The following CCNDBP1 variants were observed in gnomAD, a reference collection of about 807,000 sequenced individuals.
CCNDBP1 encodes the protein cyclin D1 binding protein 1.
CCNDBP1 carries 45 observed loss-of-function variants against 46.2 expected under a neutral mutation model. That is an observed-to-expected ratio of 0.97 (90% CI 0.77 to 1.25). The LOEUF (loss-of-function observed/expected upper bound fraction) is 1.25, where lower values mean the gene tolerates loss of function less well. CCNDBP1 is among the 50% of genes most tolerant of loss of function. The probability of loss-of-function intolerance (pLI) is 0.00; values close to 1 mark genes in which losing one functional copy is unlikely to be tolerated. For synonymous variants in CCNDBP1, 154 were observed against 163.6 expected, an observed-to-expected ratio of 0.94 and a Z score of 0.45; for missense variants, 436 against 442.1, an observed-to-expected ratio of 0.99 and a Z score of 0.12.
intron 9 of CCNDBP1, among the ~76,000 whole-genome samples, chr15:43,193,627 T>C (rs1036353333): frequency 4.6e-5 from 7 of 152,212 alleles, no homozygotes; most frequent in African/African-American, 1.7e-4. Context: ...TTTTATTGTA[T>C]TCTTTGAGGT....
intron 3 of CCNDBP1, chr15:43,188,791 C>T (rs1176496563): frequency 6.2e-6 from 1 of 162,306 alleles, no homozygotes; most frequent in Non-Finnish European, 1.4e-5. Context: ...AAATATCTGC[C>T]CTAGGCCGGG....
At position 43,193,085 on chromosome 15, in the gene CCNDBP1, G is replaced by A. The variant is rs1330205464; in HGVS notation, c.921+282G>A. 10 of 403,692 alleles carry A rather than the reference G, an allele frequency of 2.5e-5. No individual in the cohort carries two copies. The East Asian group carries it at 2.6e-4, about 10-fold the overall frequency. 25.0% of individuals were successfully genotyped at this position (403,692 alleles called of 1,614,324 possible). ...AAAATGATGCTTTAAGGCTGGGCGCGGTAGCTCACACCTGTAATCCCAGCA... is the reference window on the plus strand; with the variant it reads ...AAAATGATGCTTTAAGGCTGGGCGCAGTAGCTCACACCTGTAATCCCAGCA... On this transcript the variant is annotated intron_variant, in intron 9 of 10. Transcript: ENST00000300213.
rs774251321 is a variant in CCNDBP1, at chr15:43,189,234, C to T, written c.285C>T (p.Ala95=). ...AGTTCTGTGAACAAGTCCATGCTGC[C>T]ATCAAGGCATTTATTGCAGTGTACT... is the stretch of plus-strand genomic sequence containing the variant. ...TQKFCEQVHA[A]IKAFIAVYYL... is the part of the protein sequence containing the mutation. Residue 95 remains alanine (A), a synonymous_variant, in exon 4 of 11, where the codon GCC becomes GCT. Coordinates refer to ENST00000300213, the MANE Select transcript of CCNDBP1 (RefSeq NM_012142.5). 3.7e-6 allele frequency: 6 copies of T among 1,612,328 alleles called. No individual in the cohort carries two copies. The highest frequency in any genetic ancestry group is 1.7e-5 in the Admixed American group (1 of 59,716).
intron 7 of CCNDBP1, 41 bp from the exon 8 acceptor site, chr15:43,191,354 T>A (rs2041948954): frequency 7.7e-7 from 1 of 1,303,238 alleles, no homozygotes; most frequent in East Asian, 2.6e-5. Context: ...TTTTTTTTTT[T>A]TTTTTTTTTT....
intron 7 of CCNDBP1, 115 bp downstream of exon 7, chr15:43,191,157 T>C (rs2041943522): frequency 2.2e-6 from 2 of 891,202 alleles, no homozygotes; most frequent in South Asian, 2.9e-5. Flanking sequence ...TACTGTCCTC[T>C]GTCTTCCATC....
chr15:43,190,883 A>T, intron 6 of CCNDBP1, 83 bp from the exon 7 acceptor site: 1 of 1,144,140 alleles, frequency 8.7e-7, no homozygotes, highest in South Asian at 1.2e-5. Flanking sequence ...CATCAATAGG[A>T]ACAATGTGAT....
At position 43,196,969 on chromosome 15, in the gene CCNDBP1, A is replaced by G. The variant is rs1250064232; in HGVS notation, c.*2128A>G. 2 of 373,938 alleles carry G rather than the reference A, an allele frequency of 5.3e-6. No individual in the cohort carries two copies. Among genetic ancestry groups the G allele is most frequent in the Non-Finnish European group, 1.0e-5 (2 of 194,502 alleles). 23.2% of individuals were successfully genotyped at this position (373,938 alleles called of 1,614,324 possible). A position where few individuals can be genotyped will look rare whatever the true frequency, so the allele number is the denominator to read the frequency against. On this transcript the variant is annotated 3_prime_UTR_variant, in exon 11 of 11. Transcript: ENST00000300213. Reference sequence around the variant, plus strand: ...GGTAATGAGTAAGTTCTCGCTCTATATGTCCCTCCCCCACCCCAGAGCTGG... The same window carrying G: ...GGTAATGAGTAAGTTCTCGCTCTATGTGTCCCTCCCCCACCCCAGAGCTGG...
chr15:43,192,488 C>T (rs761574111), intron 8 of CCNDBP1, among the ~76,000 whole-genome samples: 9 of 152,196 alleles, frequency 5.9e-5, no homozygotes, highest in Non-Finnish European at 1.3e-4. Flanking sequence ...CACATCCTCA[C>T]ATTTTTGACT....
At chr15:43,189,618 A>G (rs767180022) in intron 4 of CCNDBP1, 7 of 319,772 alleles carry the variant, frequency 2.2e-5, no homozygotes, top group Non-Finnish European at 4.0e-5. Context: ...TCCTCCACCC[A>G]TGTTATATCT....
rs756151109 is a variant in CCNDBP1 at position 43,189,101 on chromosome 15, A to AAAAAAAAAAAG, written c.250-95_250-94insAAAAAAAGAAA. The AAAAAAAAAAAG allele has an allele frequency of 2.6e-4, 43 of 165,878 alleles. 3 individuals carry two copies. Among genetic ancestry groups the AAAAAAAAAAAG allele is most frequent in the Admixed American group, 3.9e-4 (4 of 10,190 alleles). The allele number at this position is 165,878 out of a possible 1,614,324, so 10.3% of individuals were successfully genotyped here. Reference sequence around the variant, plus strand: ...TCAAAAAAAAAAAAAAAAAAAAAAAAAAAGAAAAAGAAAGAAAAGAAAAAG... The same window carrying AAAAAAAAAAAG: ...TCAAAAAAAAAAAAAAAAAAAAAAAAAAAAAAAAAAGAAAGAAAAAGAAAGAAAAGAAAAAG... On this transcript the variant is annotated intron_variant, in intron 3 of 10. Transcript: ENST00000300213.
At position 43,185,498 on chromosome 15, in the gene CCNDBP1, G is replaced by A. The variant is rs758485687; in HGVS notation, c.-1G>A. 6 of 1,587,196 alleles carry A rather than the reference G, an allele frequency of 3.8e-6. No individual in the cohort carries two copies. The highest frequency in any genetic ancestry group is 3.4e-6 in the Non-Finnish European group (4 of 1,170,424). On this transcript the variant is annotated 5_prime_UTR_variant, in exon 1 of 11. Transcript: ENST00000300213. ...TTTGCGGCCTTCGGCAAGCGACTGA[G>A]ATGGCGAGCGCAACTGCACCTGCAG...
chr15:43,191,343 C>CCTTT, intron 7 of CCNDBP1, 52 bp from the exon 8 acceptor site: 1 of 682,310 alleles, frequency 1.5e-6, no homozygotes, highest in Non-Finnish European at 2.1e-6. Flanking sequence ...TAGGCCTCGC[C>CCTTT]TTTTTTTTTT....
intron 2 of CCNDBP1, 72 bp downstream of exon 2, chr15:43,185,951 T>A: frequency 6.8e-7 from 1 of 1,466,450 alleles, no homozygotes; most frequent in Non-Finnish European, 9.4e-7. Flanking sequence ...CCTCCCGCTG[T>A]CCCCCACGGA....
chr15:43,192,642 A>G (rs2041972203), intron 8 of CCNDBP1, 101 bp from the exon 9 acceptor site: 1 of 1,082,296 alleles, frequency 9.2e-7, no homozygotes, highest in Non-Finnish European at 1.4e-6. Flanking sequence ...ACTGACAGGC[A>G]TTTCTGGGAC....
chr15:43,187,741 A>G (rs2142228101), intron 3 of CCNDBP1, among the ~76,000 whole-genome samples: 1 of 152,330 alleles, frequency 6.6e-6, no homozygotes, highest in South Asian at 2.1e-4. Flanking sequence ...ACTCACTGCA[A>G]GTAAGATACC....
At chr15:43,186,727 G>A (rs566776039) in intron 3 of CCNDBP1, among the ~76,000 whole-genome samples, 3 of 152,278 alleles carry the variant, frequency 2.0e-5, no homozygotes, top group African/African-American at 7.2e-5. Flanking sequence ...AGATATCAAA[G>A]TGTGTTAAGT....
At position 43,190,036 on chromosome 15, in the gene CCNDBP1, T is replaced by C. The variant is rs1219914498; in HGVS notation, c.332-19T>C. ...CTGAAAAGAACACCAGGTTGCTTAT[T>C]CTTTGGGTTTGGCCACAGGGATCAC... On this transcript the variant is annotated intron_variant, in intron 4 of 10. Coordinates refer to ENST00000300213, the MANE Select transcript of CCNDBP1 (RefSeq NM_012142.5). The C allele has an allele frequency of 1.2e-6, 2 of 1,612,120 alleles. No homozygotes were observed. Among genetic ancestry groups the C allele is most frequent in the Middle Eastern group, 3.3e-4 (2 of 6,000 alleles).
rs372865433 is a variant in CCNDBP1, at chr15:43,186,282, G to C, written c.249+49G>C. On this transcript the variant is annotated intron_variant, in intron 3 of 10. Coordinates refer to ENST00000300213, the MANE Select transcript of CCNDBP1 (RefSeq NM_012142.5). ...CTTGGGCTGCCGAGTTACACCTTAG[G>C]AATCCTCTAATTTTCTTTCCACCTT... 5 of 1,448,226 alleles carry C rather than the reference G, an allele frequency of 3.5e-6. No individual in the cohort carries two copies. The African/African-American group carries it at 5.6e-5, about 16-fold the overall frequency. 89.7% of individuals were successfully genotyped at this position (1,448,226 alleles called of 1,614,324 possible).
chr15:43,194,690 AT>A, intron 10 of CCNDBP1, 36 bp from the exon 11 acceptor site: 1 of 1,477,902 alleles, frequency 6.8e-7, no homozygotes, highest in Non-Finnish European at 9.4e-7. Context: ...TGACATCCTA[AT>A]AAGTTTAACT....
Sources: gnomAD v4.1 joint callset for allele counts (sites outside exome capture counted in the v4.1 genomes callset) on GRCh38, gnomAD v4.1.1 for gene constraint, MANE v1.5 for transcripts, NCBI Gene and HGNC (gene_info 2026-07-23, HGNC 2026-07-21) for gene names.